Variants in CNGA3 observed in about 807,000 individuals in gnomAD.
CNGA3 encodes the protein cyclic nucleotide-gated channel alpha-3.
CNGA3 carries 42 observed loss-of-function variants against 46.6 expected under a neutral mutation model. The ratio of observed to expected loss-of-function variants is 0.90; its 90% CI spans 0.70 to 1.17. The LOEUF is 1.17. Among genes scored for constraint, CNGA3 ranks in the 50% most tolerant of loss-of-function variants. CNGA3 has a pLI of 0.00. For missense variants in CNGA3, 893 were observed against 890.7 expected, an observed-to-expected ratio of 1.00 and a Z score of -0.03; for synonymous variants, 394 against 369.4, an observed-to-expected ratio of 1.07 and a Z score of -0.76.
intron 2 of CNGA3, among the ~76,000 whole-genome samples, chr2:98,375,796 A>T (rs569484511): frequency 1.2e-4 from 18 of 152,214 alleles, no homozygotes; most frequent in Non-Finnish European, 2.4e-4. Flanking sequence ...GGGCAGCTTC[A>T]TGGAGTGGAT....
rs753540191 is a variant in CNGA3, at chr2:98,396,176, GT to G, written c.1007del (p.Val336AlafsTer26). 2 of 1,614,134 alleles carry G rather than the reference GT, an allele frequency of 1.2e-6. No homozygotes were observed. Among genetic ancestry groups the G allele is most frequent in the South Asian group, 2.2e-5 (2 of 91,082 alleles). ...CATTGGTTTTGGGACAGACTCCTGG[GT>G]CTACCCAAACATCTCAATCCCAGAG... ...KFIGFGTDSW[V>X]YPNISIPEHG... On this transcript the variant is annotated frameshift_variant, in exon 8 of 8. Coordinates refer to ENST00000272602, the MANE Select transcript of CNGA3 (RefSeq NM_001298.3). LOFTEE classifies it high-confidence loss of function.
At chr2:98,382,059 G>A (rs1692551155) in intron 4 of CNGA3, among the ~76,000 whole-genome samples, 1 of 152,158 alleles carries the variant, frequency 6.6e-6, no homozygotes, top group Admixed American at 6.5e-5. Context: ...ACAAATGGAG[G>A]GTTGAGCTAG....
At chr2:98,382,550 G>C (rs2104211414) in intron 4 of CNGA3, among the ~76,000 whole-genome samples, 1 of 152,346 alleles carries the variant, frequency 6.6e-6, no homozygotes, top group African/African-American at 2.4e-5. Flanking sequence ...CGGGAGTCAG[G>C]TGGGGGTGTC....
chr2:98,380,334 G>A lies in CNGA3; in HGVS notation c.375G>A (p.Glu125=). Residue 125 remains glutamate (E), a synonymous_variant, in exon 4 of 8, where the codon GAG becomes GAA. Coordinates refer to ENST00000272602, the MANE Select transcript of CNGA3 (RefSeq NM_001298.3). The part of the protein sequence containing the change: ...SNAQANVGSQ[E]PADRGRSAWP... ...CCCAGGCAAATGTGGGCAGCCAGGA[G>A]CCAGCAGACAGAGGGAGAAGGTAAG... 1 of 1,614,186 alleles carries A rather than the reference G, an allele frequency of 6.2e-7. No individual in the cohort carries two copies.
intron 5 of CNGA3, among the ~76,000 whole-genome samples, chr2:98,387,891 G>A (rs746594693): frequency 2.9e-4 from 44 of 152,162 alleles, no homozygotes; most frequent in Non-Finnish European, 5.6e-4. Context: ...AAAACTCCGA[G>A]TAACTTTCCC....
chr2:98,387,056 T>C (rs1692670771), intron 5 of CNGA3, among the ~76,000 whole-genome samples: 1 of 152,218 alleles, frequency 6.6e-6, no homozygotes, highest in South Asian at 2.1e-4. Context: ...CCGGCAGAAA[T>C]AGAAAACTGA....
rs1692516380 is a variant in CNGA3 at position 98,380,633 on chromosome 2, T to C, written c.395+279T>C. Among the ~76,000 whole-genome samples, 3 of 152,156 alleles carry C rather than the reference T, an allele frequency of 2.0e-5. No individual in the cohort carries two copies. The South Asian group carries it at 6.2e-4, about 32-fold the overall frequency. On this transcript the variant is annotated intron_variant, in intron 4 of 7. Transcript: ENST00000272602. ...ATCCTACACAGGGGTCCTGTTAGGG[T>C]CCCCTGGAAATCATGTTCTCAGAAA...
At chr2:98,349,284 T>C (rs552713294) in intron 1 of CNGA3, among the ~76,000 whole-genome samples, 1 of 151,906 alleles carries the variant, frequency 6.6e-6, no homozygotes, top group South Asian at 2.1e-4. Flanking sequence ...AAACCAAATG[T>C]ACAATACACA....
chr2:98,361,122 C>T (rs1006803113), intron 1 of CNGA3, among the ~76,000 whole-genome samples: 7 of 151,868 alleles, frequency 4.6e-5, no homozygotes, highest in Non-Finnish European at 8.8e-5. Flanking sequence ...ATCTATCAAC[C>T]CATCTCTAGG....
intron 2 of CNGA3, among the ~76,000 whole-genome samples, chr2:98,372,925 A>T (rs1402506755): frequency 1.3e-5 from 2 of 152,146 alleles, no homozygotes; most frequent in African/African-American, 4.8e-5. Context: ...CACCCTTCAC[A>T]TGGTAAATTG....
chr2:98,356,015 C>G (rs1344607323), intron 1 of CNGA3: 2 of 152,352 alleles, frequency 1.3e-5, no homozygotes, highest in Non-Finnish European at 2.9e-5. Context: ...CAGTGTGGTG[C>G]CCACGTCAGC....
chr2:98,366,601 C>G (rs993136378), intron 1 of CNGA3, among the ~76,000 whole-genome samples: 1 of 152,198 alleles, frequency 6.6e-6, no homozygotes, highest in African/African-American at 2.4e-5. Flanking sequence ...GAAATTCCAG[C>G]GGGGAGGCCC....
intron 5 of CNGA3, among the ~76,000 whole-genome samples, chr2:98,387,870 G>A (rs1255367274): frequency 2.6e-5 from 4 of 152,182 alleles, no homozygotes; most frequent in Admixed American, 6.5e-5. Context: ...AGAGCCTGGC[G>A]TGGGATTTCC....
At chr2:98,390,381 T>C (rs1692757765) in intron 6 of CNGA3, among the ~76,000 whole-genome samples, 1 of 151,948 alleles carries the variant, frequency 6.6e-6, no homozygotes, top group South Asian at 2.1e-4. Flanking sequence ...ACTCCTCACC[T>C]CAAATGATCT....
At chr2:98,351,773 T>G (rs927385272) in intron 1 of CNGA3, among the ~76,000 whole-genome samples, 1 of 152,238 alleles carries the variant, frequency 6.6e-6, no homozygotes, top group African/African-American at 2.4e-5. Flanking sequence ...CTTTATTATG[T>G]TTCATGAGTT....
chr2:98,391,897 G>C lies in CNGA3; in HGVS notation c.600G>C (p.Leu200=), dbSNP rs978112233. The C allele has an allele frequency of 1.2e-5, 19 of 1,614,096 alleles. No homozygotes were observed. The African/African-American group carries it at 2.3e-4, about 19-fold the overall frequency. ...ACFDELQSEY[L]MLWLVLDYSA... The stretch of plus-strand genomic sequence containing the variant: ...TCGATGAGCTGCAGTCCGAGTACCT[G>C]ATGCTGTGGCTGGTCCTGGACTACT... The change falls in exon 7 of 8, where the codon CTG becomes CTC. Residue 200 remains leucine (L), a synonymous_variant. Transcript: ENST00000272602.
At chr2:98,373,784 AG>A (rs1692342278) in intron 2 of CNGA3, among the ~76,000 whole-genome samples, 2 of 152,206 alleles carry the variant, frequency 1.3e-5, no homozygotes, top group Non-Finnish European at 2.9e-5. Flanking sequence ...GCTAGGACTG[AG>A]GGCAACTTAA....
chr2:98,347,502 G>A (rs769187497), intron 1 of CNGA3, among the ~76,000 whole-genome samples: 1 of 152,216 alleles, frequency 6.6e-6, no homozygotes, highest in African/African-American at 2.4e-5. Flanking sequence ...ACTGAGCGGC[G>A]CAGCTGGGAC....
chr2:98,352,462 G>C (rs967378778), intron 1 of CNGA3, among the ~76,000 whole-genome samples: 1 of 152,164 alleles, frequency 6.6e-6, no homozygotes, highest in Non-Finnish European at 1.5e-5. Flanking sequence ...CTGCCCAGCT[G>C]TTCTCCAAAG....
Sources: gnomAD v4.1 joint callset for allele counts (sites outside exome capture counted in the v4.1 genomes callset) on GRCh38, gnomAD v4.1.1 for gene constraint, MANE v1.5 for transcripts, NCBI Gene and HGNC (gene_info 2026-07-23, HGNC 2026-07-21) for gene names.